Variants in MRTO4 observed in about 807,000 individuals in gnomAD.
MRTO4 encodes MRT4 homolog, ribosome maturation factor.
A neutral mutation model predicts 28.6 loss-of-function variants in MRTO4; 7 were observed. That is an observed-to-expected ratio of 0.24 (90% confidence interval 0.14 to 0.46). The LOEUF (loss-of-function observed/expected upper bound fraction) is 0.46, where lower values mean the gene tolerates loss of function less well. Ranked by LOEUF, MRTO4 falls within the 20% of genes least tolerant of loss-of-function variation. The pLI is 0.99. For missense variants in MRTO4, 302 were observed against 298.3 expected (o/e 1.01, Z -0.09); for synonymous variants, 113 against 108.2 (o/e 1.04, Z -0.27).
chr1:19,259,398 A>T lies in MRTO4; in HGVS notation c.*568A>T, dbSNP rs1263382616. 1 of 152,276 alleles carries T rather than the reference A, an allele frequency of 6.6e-6. No individual in the cohort carries two copies. The highest frequency in any genetic ancestry group is 6.5e-5 in the Admixed American group (1 of 15,282). The allele number at this position is 152,276 out of a possible 1,614,324, so 9.4% of individuals were successfully genotyped here. On this transcript the variant is annotated 3_prime_UTR_variant, in exon 8 of 8. Transcript: ENST00000330263. ...AGTTTGAAACCAGCCTGGGCAATTC[A>T]GCAAGATCCCGTCTCTACAAAAAAT... is the stretch of plus-strand genomic sequence containing the variant.
chr1:19,253,753 G>A (rs1460526635), intron 1 of MRTO4, among the ~76,000 whole-genome samples: 1 of 152,204 alleles, frequency 6.6e-6, no homozygotes, highest in Non-Finnish European at 1.5e-5. Context: ...GGCTGAGTGC[G>A]GGCAGGTTAA....
rs1385882816 is a variant in MRTO4, at chr1:19,260,099, T to A, written c.*1269T>A. 6.6e-6 allele frequency: 1 copy of A among 152,274 alleles called. No homozygotes were observed. Among genetic ancestry groups the A allele is most frequent in the East Asian group, 1.9e-4 (1 of 5,192 alleles). The allele number at this position is 152,274 out of a possible 1,614,324, so 9.4% of individuals were successfully genotyped here. A position where few individuals can be genotyped will look rare whatever the true frequency, so the allele number is the denominator to read the frequency against. On this transcript the variant is annotated 3_prime_UTR_variant, in exon 8 of 8. Transcript: ENST00000330263. ...TATTTGTATTTCATGAAAGCAGTTC[T>A]GAATGAGAGTAAATCAGCTTCAGGG...
chr1:19,254,965 C>A, intron 2 of MRTO4, 125 bp downstream of exon 2: 1 of 774,044 alleles, frequency 1.3e-6, no homozygotes, highest in Non-Finnish European at 2.0e-6. Context: ...AAAAAATCTC[C>A]AAGCTGCCAA....
At chr1:19,256,830 A>G (rs2093672143) in intron 3 of MRTO4, among the ~76,000 whole-genome samples, 1 of 152,176 alleles carries the variant, frequency 6.6e-6, no homozygotes, top group South Asian at 2.1e-4. Context: ...CTGGTACATG[A>G]TGCTCGTGAT....
At chr1:19,256,408 CAG>C (rs1468428295) in intron 3 of MRTO4, among the ~76,000 whole-genome samples, 1 of 152,182 alleles carries the variant, frequency 6.6e-6, no homozygotes, top group African/African-American at 2.4e-5. Context: ...CCCAGCTACT[CAG>C]GAGGCTGAAG....
intron 2 of MRTO4, 86 bp downstream of exon 2, chr1:19,254,926 GC>G: frequency 8.3e-7 from 1 of 1,210,828 alleles, no homozygotes; most frequent in Non-Finnish European, 1.1e-6. Context: ...AGGACTGTTG[GC>G]CAGGGGAACA....
chr1:19,253,819 C>T (rs1421704020), intron 1 of MRTO4, among the ~76,000 whole-genome samples: 1 of 152,140 alleles, frequency 6.6e-6, no homozygotes, highest in East Asian at 1.9e-4. Flanking sequence ...AGTTGGAGTT[C>T]TGTTAAGTGT....
Position 19,255,904 on chromosome 1 carries a change from G to A in MRTO4, c.88-44G>A, listed in dbSNP as rs116575147. On this transcript the variant is annotated intron_variant, in intron 2 of 7. Transcript: ENST00000330263. ...ATCTGAGGCCAGAGTAGTGCCCGTT[G>A]TATGCTGCTGCTTGAACTCAGAGCC... is the stretch of plus-strand genomic sequence containing the variant. 1.6e-4 allele frequency: 239 copies of A among 1,534,792 alleles called. No individual in the cohort carries two copies. The African/African-American group carries it at 3.0e-3, about 19-fold the overall frequency.
chr1:19,258,097 T>G, intron 6 of MRTO4, 113 bp downstream of exon 6: 2 of 1,371,624 alleles, frequency 1.5e-6, no homozygotes, highest in Non-Finnish European at 1.9e-6. Flanking sequence ...CATTTTCTCA[T>G]GAGAAAATGG....
Position 19,259,584 on chromosome 1 carries a change from A to C in MRTO4, c.*754A>C, listed in dbSNP as rs1273959117. On this transcript the variant is annotated 3_prime_UTR_variant, in exon 8 of 8. Transcript: ENST00000330263. ...CATTGAATTCTGCGTGGATTGCCTC[A>C]GTTTGCCTTGTCAGCCAACTTCCAC... 6.6e-6 allele frequency: 1 copy of C among 152,342 alleles called. No homozygotes were observed. Among genetic ancestry groups the C allele is most frequent in the African/African-American group, 2.4e-5 (1 of 41,462 alleles). The allele number at this position is 152,342 out of a possible 1,614,324, so 9.4% of individuals were successfully genotyped here.
At chr1:19,251,905 G>A (rs1342483789) in intron 1 of MRTO4, 42 bp downstream of exon 1, 1 of 1,575,590 alleles carries the variant, frequency 6.3e-7, no homozygotes, top group South Asian at 1.2e-5. Context: ...GAGCTCCGTG[G>A]GCTGGCTACC....
In MRTO4 at chr1:19,259,693, G is replaced by C. The variant is rs1198969736; in HGVS notation, c.*863G>C. On this transcript the variant is annotated 3_prime_UTR_variant, in exon 8 of 8. Coordinates refer to ENST00000330263, the MANE Select transcript of MRTO4 (RefSeq NM_016183.4). ...CAGTCCTGGGTACCCCTTGGCAGAG[G>C]GATTTGCTGAGGAAAATTAGGTATC... 6.6e-6 allele frequency: 1 copy of C among 152,242 alleles called. No homozygotes were observed. Among genetic ancestry groups the C allele is most frequent in the Non-Finnish European group, 1.5e-5 (1 of 68,076 alleles). The allele number at this position is 152,242 out of a possible 1,614,324, so 9.4% of individuals were successfully genotyped here. A position where few individuals can be genotyped will look rare whatever the true frequency, so the allele number is the denominator to read the frequency against.
intron 1 of MRTO4, among the ~76,000 whole-genome samples, chr1:19,253,081 T>A (rs1338239500): frequency 6.6e-6 from 1 of 152,210 alleles, no homozygotes; most frequent in Non-Finnish European, 1.5e-5. Flanking sequence ...AAGGAAAGCC[T>A]ATTTCTTATC....
Sources: gnomAD v4.1 joint callset for allele counts (sites outside exome capture counted in the v4.1 genomes callset) on GRCh38, gnomAD v4.1.1 for gene constraint, MANE v1.5 for transcripts, NCBI Gene and HGNC (gene_info 2026-07-23, HGNC 2026-07-21) for gene names.